The following HIPK2 variants were observed in gnomAD, a reference collection of about 807,000 sequenced individuals.
The protein encoded by HIPK2 is homeodomain interacting protein kinase 2, also known as homeodomain-interacting protein kinase 2.
In HIPK2, 27 loss-of-function variants were observed where a neutral mutation model predicts 113.7. The ratio of observed to expected loss-of-function variants is 0.24; its 90% confidence interval spans 0.17 to 0.33. HIPK2 has a LOEUF of 0.33. HIPK2 is among the 10% of genes least tolerant of loss of function. The probability of loss-of-function intolerance (pLI) is 1.00; values close to 1 mark genes in which losing one functional copy is unlikely to be tolerated. For missense variants in HIPK2, 1,257 were observed against 1,588.0 expected (o/e 0.79, Z 3.54); for synonymous variants, 631 against 642.2 (o/e 0.98, Z 0.26).
intron 14 of HIPK2, 91 bp from the exon 15 acceptor site, chr7:139,573,488 G>A (rs989657126): frequency 8.2e-7 from 1 of 1,225,382 alleles, no homozygotes; most frequent in Non-Finnish European, 1.2e-6. Context: ...GGAGGAGGAA[G>A]AGAAGGGAAA....
At chr7:139,581,374 G>A (rs531568041) in intron 13 of HIPK2, among the ~76,000 whole-genome samples, 25 of 152,328 alleles carry the variant, frequency 1.6e-4, no homozygotes, top group Admixed American at 9.1e-4. Context: ...TCAGGTCCCC[G>A]GGGTTCTGGC....
chr7:139,759,003 C>T (rs1161503181), intron 1 of HIPK2, among the ~76,000 whole-genome samples: 1 of 152,044 alleles, frequency 6.6e-6, no homozygotes, highest in Non-Finnish European at 1.5e-5. Flanking sequence ...CAAACCACCA[C>T]CACTAAGTAA....
chr7:139,647,049 G>GCT (rs1171146853), intron 2 of HIPK2, among the ~76,000 whole-genome samples: 1 of 151,568 alleles, frequency 6.6e-6, no homozygotes, highest in African/African-American at 2.4e-5. Flanking sequence ...TCCCTCCTGT[G>GCT]CTCTATTCCT....
chr7:139,648,352 T>C (rs911374444), intron 2 of HIPK2, among the ~76,000 whole-genome samples: 13 of 152,098 alleles, frequency 8.5e-5, no homozygotes, highest in African/African-American at 1.9e-4. Flanking sequence ...CCTGACTATA[T>C]AGAGGTTGAT....
At chr7:139,691,517 C>T (rs1057220214) in intron 2 of HIPK2, among the ~76,000 whole-genome samples, 11 of 152,266 alleles carry the variant, frequency 7.2e-5, no homozygotes, top group South Asian at 2.1e-4. Flanking sequence ...ATCACTTACA[C>T]TCTGACCTGG....
intron 2 of HIPK2, among the ~76,000 whole-genome samples, chr7:139,666,607 A>C (rs1011244681): frequency 2.0e-5 from 3 of 152,226 alleles, no homozygotes; most frequent in Admixed American, 6.5e-5. Flanking sequence ...GCCACAAATG[A>C]ATACAATCAT....
intron 1 of HIPK2, among the ~76,000 whole-genome samples, chr7:139,748,484 G>C (rs952349441): frequency 6.6e-6 from 1 of 151,884 alleles, no homozygotes; most frequent in African/African-American, 2.4e-5. Context: ...TGTGAGGGAC[G>C]GTGTGTTCCA....
rs1569441134 is a variant in HIPK2, at chr7:139,573,539, A to G, written c.3127-142T>C. On this transcript the variant is annotated intron_variant, in intron 14 of 14. Coordinates refer to ENST00000406875, the MANE Select transcript of HIPK2 (RefSeq NM_022740.5). ...AGAAGGGGCTTCCCTCTGTGTGTTG[A>G]GAAAGTAAAAATTTACTTGGGACCT... 4 of 788,622 alleles carry G rather than the reference A, an allele frequency of 5.1e-6. No individual in the cohort carries two copies. The South Asian group carries it at 5.4e-5, about 11-fold the overall frequency. The allele number at this position is 788,622 out of a possible 1,614,324, so 48.9% of individuals were successfully genotyped here.
chr7:139,687,357 T>A (rs1310435786), intron 2 of HIPK2, among the ~76,000 whole-genome samples: 1 of 152,236 alleles, frequency 6.6e-6, no homozygotes, highest in Non-Finnish European at 1.5e-5. Flanking sequence ...CAGTTTTTTA[T>A]ATGCACTAAG....
Position 139,716,930 on chromosome 7 carries a change from C to T in HIPK2, c.105G>A (p.Pro35=), listed in dbSNP as rs377491533. 6.7e-5 allele frequency: 108 copies of T among 1,613,680 alleles called. No homozygotes were observed. The highest frequency in any genetic ancestry group is 8.5e-5 in the Non-Finnish European group (100 of 1,179,844). ...FCSVKKLKIE[P]SSNWDMTGYG... Reference sequence around the variant, plus strand: ...ACCCAGTCATGTCCCAGTTGGAACTCGGCTCTATTTTCAGTTTCTTCACAC... The same window carrying T: ...ACCCAGTCATGTCCCAGTTGGAACTTGGCTCTATTTTCAGTTTCTTCACAC... Residue 35 remains proline, a synonymous_variant, in exon 2 of 15, where the codon CCG becomes CCA. Transcript: ENST00000406875. This position sits in a 1 kb window ranked among gnomAD's most constrained non-coding sequence, Gnocchi z 9.3.
intron 2 of HIPK2, among the ~76,000 whole-genome samples, chr7:139,668,074 C>T (rs927700243): frequency 2.0e-5 from 3 of 147,324 alleles, no homozygotes; most frequent in Non-Finnish European, 3.0e-5. Flanking sequence ...TGCAGCAAGC[C>T]GAGATCAAAC....
intron 2 of HIPK2, among the ~76,000 whole-genome samples, chr7:139,674,989 G>C (rs1347408397): frequency 6.6e-6 from 1 of 152,154 alleles, no homozygotes; most frequent in Non-Finnish European, 1.5e-5. Flanking sequence ...GTCATCGTAA[G>C]GCTAATGCTG....
chr7:139,701,514 A>G, intron 2 of HIPK2, among the ~76,000 whole-genome samples: 1 of 152,264 alleles, frequency 6.6e-6, no homozygotes, highest in Non-Finnish European at 1.5e-5. Flanking sequence ...GACTTAGCCC[A>G]ACTCACATAG....
chr7:139,674,041 G>A (rs939321928), intron 2 of HIPK2, among the ~76,000 whole-genome samples: 5 of 151,308 alleles, frequency 3.3e-5, no homozygotes, highest in African/African-American at 9.7e-5. Flanking sequence ...ACTTCAGCCC[G>A]GATGACAGAG....
In HIPK2 at chr7:139,572,902, T is replaced by TCCCCCC; in HGVS notation, c.*24_*25insGGGGGG. Reference sequence around the variant, plus strand: ...TCCCTCGGGCCATTCTCTCCCTCCCTCCCTCCCTCCCTCCCCTCCAGTGTT... The same window carrying TCCCCCC: ...TCCCTCGGGCCATTCTCTCCCTCCCTCCCCCCCCCTCCCTCCCTCCCCTCCAGTGTT... On this transcript the variant is annotated 3_prime_UTR_variant, in exon 15 of 15. Transcript: ENST00000406875. 3.3e-6 allele frequency: 1 copy of TCCCCCC among 301,392 alleles called. No individual in the cohort carries two copies. Among genetic ancestry groups the TCCCCCC allele is most frequent in the Non-Finnish European group, 6.5e-6 (1 of 153,856 alleles). 18.7% of individuals were successfully genotyped at this position (301,392 alleles called of 1,614,324 possible).
Position 139,707,932 on chromosome 7 carries a change from C to T in HIPK2, c.1103+8000G>A, listed in dbSNP as rs368370807. On this transcript the variant is annotated intron_variant, in intron 2 of 14. Transcript: ENST00000406875. The stretch of plus-strand genomic sequence containing the variant: ...TCCCCTCCTAACCACCCACTGCTTG[C>T]CAGTTCACCAACCCACATGACCCCT... Among the ~76,000 whole-genome samples the T allele has an allele frequency of 3.1e-4, 47 of 152,136 alleles. 2 individuals are homozygous for T. The South Asian group carries it at 9.8e-3, about 32-fold the overall frequency.
Position 139,758,836 on chromosome 7 carries a change from C to T in HIPK2, c.19+18769G>A, listed in dbSNP as rs145113610. ...CTGCTGCTCTAGAAGAAACACCAAA[C>T]GTACCAAGATGTAAACAGAAAAAAG... On this transcript the variant is annotated intron_variant, in intron 1 of 14. Coordinates refer to ENST00000406875, the MANE Select transcript of HIPK2 (RefSeq NM_022740.5). 9.9e-5 allele frequency among the ~76,000 whole-genome samples: 15 copies of T among 152,078 alleles called. No individual in the cohort carries two copies. In the East Asian group the frequency reaches 1.9e-3, roughly 20 times the overall value.
intron 1 of HIPK2, among the ~76,000 whole-genome samples, chr7:139,774,323 G>GT (rs1277450662): frequency 1.3e-5 from 2 of 152,118 alleles, no homozygotes; most frequent in African/African-American, 4.8e-5. Context: ...GCCCAAAGTC[G>GT]TATCACTAGA....
intron 12 of HIPK2, among the ~76,000 whole-genome samples, chr7:139,590,504 G>C (rs1341985850): frequency 6.6e-6 from 1 of 151,940 alleles, no homozygotes; most frequent in Non-Finnish European, 1.5e-5. Flanking sequence ...TCAAGACCAG[G>C]GTCAAAACTC....
Sources: gnomAD v4.1 joint callset for allele counts (sites outside exome capture counted in the v4.1 genomes callset) on GRCh38, gnomAD v4.1.1 for gene constraint, Gnocchi (gnomAD v3.1) non-coding constraint, MANE v1.5 for transcripts, NCBI Gene and HGNC (gene_info 2026-07-23, HGNC 2026-07-21) for gene names.